ASB15: variants seen among roughly 807,000 people sequenced by gnomAD.
The protein encoded by ASB15 is ankyrin repeat and SOCS box containing 15.
In ASB15, 54 loss-of-function variants were observed where a neutral mutation model predicts 58.0. The ratio of observed to expected loss-of-function variants is 0.93; its 90% CI spans 0.75 to 1.17. The LOEUF (loss-of-function observed/expected upper bound fraction) is 1.17. ASB15 is among the 50% of genes most tolerant of loss of function. The probability of loss-of-function intolerance (pLI) is 0.00; values close to 1 mark genes in which losing one functional copy is unlikely to be tolerated. For missense variants in ASB15, 680 were observed against 707.4 expected (o/e 0.96, Z 0.44); for synonymous variants, 249 against 262.4 (o/e 0.95, Z 0.50).
At chr7:123,574,461 G>C (rs1411278146) in intron 1 of ASB15, among the ~76,000 whole-genome samples, 1 of 152,160 alleles carries the variant, frequency 6.6e-6, no homozygotes, top group Non-Finnish European at 1.5e-5. Flanking sequence ...GTCAGGGATA[G>C]GACCTGAATA....
intron 11 of ASB15, among the ~76,000 whole-genome samples, chr7:123,630,394 T>A (rs904686004): frequency 2.0e-5 from 3 of 152,234 alleles, no homozygotes; most frequent in African/African-American, 7.2e-5. Flanking sequence ...TATAATATCA[T>A]ACAATACGTA....
intron 11 of ASB15, among the ~76,000 whole-genome samples, chr7:123,635,935 GT>G (rs560662974): frequency 1.3e-5 from 2 of 152,058 alleles, no homozygotes; most frequent in Non-Finnish European, 2.9e-5. Context: ...ATGTGATCAT[GT>G]TTATTATTGC....
At chr7:123,623,934 AGAAAG>A (rs1801548789) in intron 7 of ASB15, among the ~76,000 whole-genome samples, 1 of 4,216 alleles carries the variant, frequency 2.4e-4, no homozygotes, top group Non-Finnish European at 5.3e-4. Flanking sequence ...AAGAAAGAAA[AGAAAG>A]AAAGAAAGAA....
rs1444824513 is a variant in ASB15 at position 123,629,317 on chromosome 7, A to G, written c.1323A>G (p.Gln441=). 6.2e-7 allele frequency: 1 copy of G among 1,613,968 alleles called. No homozygotes were observed. The highest frequency in any genetic ancestry group is 1.3e-5 in the African/African-American group (1 of 74,908). Residue 441 remains glutamine, a synonymous_variant, in exon 10 of 12, where the codon CAA becomes CAG. Coordinates refer to ENST00000451215, the MANE Select transcript of ASB15 (RefSeq NM_001290258.2). Reference sequence around the variant, plus strand: ...GGCTATTGCTGAATAATGGCTATCAAGTGGAGATGTGCTTTGACTGCATGC... The same window carrying G: ...GGCTATTGCTGAATAATGGCTATCAGGTGGAGATGTGCTTTGACTGCATGC... The part of the protein sequence containing the change: ...MLRLLLNNGY[Q]VEMCFDCMHG...
In ASB15 at chr7:123,636,938, T is replaced by A. The variant is rs1474050828; in HGVS notation, c.1724T>A (p.Phe575Tyr). The change falls in exon 12 of 12, where the codon TTT becomes TAT. Residue 575 changes from phenylalanine to tyrosine, a missense_variant. Transcript: ENST00000451215. ...CCAGCTATTCAAAGATACATATTAT[T>A]TAAAGAGTATGATCTCTATGGACAA... The part of the protein sequence containing the change: ...LPPAIQRYIL[F>Y]KEYDLYGQEL... The A allele has an allele frequency of 6.3e-7, 1 of 1,582,182 alleles. No homozygotes were observed. Among genetic ancestry groups the A allele is most frequent in the Non-Finnish European group, 8.7e-7 (1 of 1,151,454 alleles).
At chr7:123,598,289 C>T (rs938219590), upstream of ASB15, among the ~76,000 whole-genome samples, 1 of 151,950 alleles carries the variant, frequency 6.6e-6, no homozygotes, top group African/African-American at 2.4e-5. Flanking sequence ...ATTTTGATAA[C>T]AATGATATGA....
rs1459949582 is a variant in ASB15, at chr7:123,637,877, C to CAAAAAAAAAAAAAAAAAAA, written c.*896_*897insAAAAAAAAAAAAAAAAAAA. ...CAAATTCAACATGTCCCCAGATGAA[C>CAAAAAAAAAAAAAAAAAAA]TAAAAAAAAAAAAAAAAAAAAAACC... On this transcript the variant is annotated 3_prime_UTR_variant, in exon 12 of 12. Transcript: ENST00000451215. 1.0e-4 allele frequency: 2 copies of CAAAAAAAAAAAAAAAAAAA among 19,122 alleles called. No individual in the cohort carries two copies. The highest frequency in any genetic ancestry group is 1.8e-4 in the Non-Finnish European group (2 of 10,832). The allele number at this position is 19,122 out of a possible 1,614,324, so 1.2% of individuals were successfully genotyped here.
In ASB15 at chr7:123,628,874, T is replaced by A; in HGVS notation, c.880T>A (p.Tyr294Asn). 1 of 1,527,572 alleles carries A rather than the reference T, an allele frequency of 6.5e-7. No homozygotes were observed. The highest frequency in any genetic ancestry group is 1.3e-5 in the South Asian group (1 of 77,118). The allele number at this position is 1,527,572 out of a possible 1,614,324, so 94.6% of individuals were successfully genotyped here. A position where few individuals can be genotyped will look rare whatever the true frequency, so the allele number is the denominator to read the frequency against. The change falls in exon 10 of 12, where the codon TAT becomes AAT. Residue 294 changes from tyrosine (Y) to asparagine (N), a missense_variant. Physicochemically the swap from Tyr to Asn is moderately radical, Grantham distance 143. Coordinates refer to ENST00000451215, the MANE Select transcript of ASB15 (RefSeq NM_001290258.2). Reference sequence around the variant, plus strand: ...ACTTTTTTCTTTTAGTGCACTGAAATATCTTATCCCAGTAACATCTAAAAA... The same window carrying A: ...ACTTTTTTCTTTTAGTGCACTGAAAAATCTTATCCCAGTAACATCTAAAAA... ...AYEGHYLALK[Y>N]LIPVTSKNAI...
intron 2 of ASB15, among the ~76,000 whole-genome samples, chr7:123,605,088 G>A (rs1467879772): frequency 1.3e-5 from 2 of 152,124 alleles, no homozygotes; most frequent in African/African-American, 4.8e-5. Context: ...ATTTTGAAGG[G>A]AAAAAAATTT....
chr7:123,588,187 G>T (rs1336345870), intron 1 of ASB15, among the ~76,000 whole-genome samples: 1 of 151,588 alleles, frequency 6.6e-6, no homozygotes, highest in African/African-American at 2.4e-5. Flanking sequence ...GGAGATTTTT[G>T]ATTACTGATT....
chr7:123,624,108 G>C (rs1294474878), intron 7 of ASB15, among the ~76,000 whole-genome samples: 2 of 152,104 alleles, frequency 1.3e-5, no homozygotes, highest in African/African-American at 4.8e-5. Context: ...TGATGAACAT[G>C]ATTTACATAT....
rs1799571940 is a variant in ASB15, at chr7:123,592,628, G to T, written c.-442-11404G>T. Among the ~76,000 whole-genome samples, 4 of 152,138 alleles carry T rather than the reference G, an allele frequency of 2.6e-5. 1 individual carries two copies. The South Asian group carries it at 8.3e-4, about 32-fold the overall frequency. ...GTTTCTTAATCCTTATTTCTAATTTGATTGCACTGTGGTCTGAGAGACCGT... is the reference window on the plus strand; with the variant it reads ...GTTTCTTAATCCTTATTTCTAATTTTATTGCACTGTGGTCTGAGAGACCGT... On this transcript the variant is annotated intron_variant, in intron 1 of 13. Coordinates refer to the ASB15 transcript ENST00000451558.
chr7:123,625,706 G>A (rs572069803), intron 8 of ASB15, among the ~76,000 whole-genome samples: 1 of 152,204 alleles, frequency 6.6e-6, no homozygotes, highest in Admixed American at 6.5e-5. Context: ...AGAACCATGA[G>A]TTAAGGAGAC....
At chr7:123,602,040 A>C (rs1799903074) in intron 1 of ASB15, 126 bp downstream of exon 1, 1 of 152,172 alleles carries the variant, frequency 6.6e-6, no homozygotes, top group African/African-American at 2.4e-5. Context: ...TTTCCACTTG[A>C]TCACCTACGG....
At chr7:123,627,814 A>G (rs1449255721) in intron 9 of ASB15, among the ~76,000 whole-genome samples, 2 of 152,354 alleles carry the variant, frequency 1.3e-5, no homozygotes, top group South Asian at 2.1e-4. Flanking sequence ...CATAATTAAC[A>G]CATTGGTAGA....
chr7:123,628,861 T>C lies in ASB15; in HGVS notation c.870-3T>C, dbSNP rs1168066786. On this transcript the variant is annotated splice_polypyrimidine_tract_variant and splice_region_variant and intron_variant, in intron 9 of 11. Transcript: ENST00000451215. ...AAGTAGATATTTGACTTTTTTCTTT[T>C]AGTGCACTGAAATATCTTATCCCAG... is the stretch of plus-strand genomic sequence containing the variant. The C allele has an allele frequency of 6.7e-7, 1 of 1,501,538 alleles. No homozygotes were observed. The highest frequency in any genetic ancestry group is 8.9e-7 in the Non-Finnish European group (1 of 1,120,466). 93.0% of individuals were successfully genotyped at this position (1,501,538 alleles called of 1,614,324 possible). A position where few individuals can be genotyped will look rare whatever the true frequency, so the allele number is the denominator to read the frequency against.
intron 11 of ASB15, among the ~76,000 whole-genome samples, chr7:123,632,933 TGCC>T (rs1562943042): frequency 2.0e-5 from 3 of 152,214 alleles, no homozygotes; most frequent in Non-Finnish European, 4.4e-5. Context: ...CAATACTTTA[TGCC>T]AAAAGACAAT....
At chr7:123,596,528 C>T (rs563549212) in intron 1 of ASB15, 2 of 152,130 alleles carry the variant, frequency 1.3e-5, no homozygotes, top group Admixed American at 1.3e-4. Flanking sequence ...GAGATGATTA[C>T]TTGAGCCTGG....
At chr7:123,624,932 A>C in intron 8 of ASB15, 118 bp downstream of exon 8, 1 of 1,291,138 alleles carries the variant, frequency 7.7e-7, no homozygotes, top group South Asian at 1.5e-5. Context: ...TCCTCTGCTG[A>C]ATGGAACTTG....
Sources: gnomAD v4.1 joint callset for allele counts (sites outside exome capture counted in the v4.1 genomes callset) on GRCh38, gnomAD v4.1.1 for gene constraint, MANE v1.5 for transcripts, NCBI Gene and HGNC (gene_info 2026-07-23, HGNC 2026-07-21) for gene names.